DNAH8: variants seen among roughly 807,000 people sequenced by gnomAD.
The protein encoded by DNAH8 is dynein axonemal heavy chain 8, also known as axonemal beta dynein heavy chain 8.
DNAH8 carries 382 observed loss-of-function variants against 562.1 expected under a neutral mutation model. The observed-to-expected ratio is 0.68, with a 90% CI of 0.63 to 0.74. The LOEUF is 0.74. Among genes scored for constraint, DNAH8 ranks in the 30% least tolerant of loss-of-function variants. The pLI is 0.00. For missense variants in DNAH8, 5,203 were observed against 5,620.4 expected (o/e 0.93, Z 2.37); for synonymous variants, 1,881 against 1,919.4 (o/e 0.98, Z 0.52).
At chr6:39,028,589 G>A (rs1194206372) in intron 92 of DNAH8, among the ~76,000 whole-genome samples, 1 of 152,168 alleles carries the variant, frequency 6.6e-6, no homozygotes, top group Non-Finnish European at 1.5e-5. Flanking sequence ...AACAATGTGT[G>A]CAAAGTCCCT....
intron 36 of DNAH8, among the ~76,000 whole-genome samples, chr6:38,846,807 A>G (rs938330012): frequency 5.9e-5 from 9 of 152,346 alleles, no homozygotes; most frequent in Non-Finnish European, 1.3e-4. Context: ...CAAGAAATTC[A>G]GGATTTGAAG....
At chr6:38,799,317 A>G (rs2127669795) in intron 21 of DNAH8, among the ~76,000 whole-genome samples, 1 of 150,108 alleles carries the variant, frequency 6.7e-6, no homozygotes, top group Middle Eastern at 3.4e-3. Context: ...TGTTGATTCC[A>G]TGCCTACCTG....
chr6:38,982,208 A>G, intron 85 of DNAH8, 138 bp from the exon 86 acceptor site: 1 of 616,632 alleles, frequency 1.6e-6, no homozygotes. Flanking sequence ...ATGAATGTAT[A>G]TCCAAAATTG....
intron 49 of DNAH8, 101 bp from the exon 50 acceptor site, chr6:38,872,434 TA>T (rs1224209855): frequency 1.5e-6 from 2 of 1,303,220 alleles, no homozygotes; most frequent in Non-Finnish European, 2.1e-6. Context: ...CTAGTTACGT[TA>T]ATGAAGAGCT....
At position 38,754,460 on chromosome 6, in the gene DNAH8, A is replaced by G. The variant is rs190114810; in HGVS notation, c.1408-1512A>G. Among the ~76,000 whole-genome samples, 13 of 152,326 alleles carry G rather than the reference A, an allele frequency of 8.5e-5. No individual in the cohort carries two copies. The East Asian group carries it at 2.5e-3, about 29-fold the overall frequency. On this transcript the variant is annotated intron_variant, in intron 9 of 92. Coordinates refer to ENST00000327475, the MANE Select transcript of DNAH8 (RefSeq NM_001206927.2). ...TGGTGTTAATTTCCATAAGCCACAT[A>G]AAACTGATTTAATTATTCCATAGTT...
At chr6:38,937,504 G>C (rs1469965458) in intron 77 of DNAH8, among the ~76,000 whole-genome samples, 1 of 152,196 alleles carries the variant, frequency 6.6e-6, no homozygotes, top group East Asian at 1.9e-4. Context: ...AGCAGTGTGA[G>C]GAGTGTACCA....
intron 91 of DNAH8, among the ~76,000 whole-genome samples, chr6:39,025,392 A>T (rs570626080): frequency 6.6e-6 from 1 of 152,174 alleles, no homozygotes; most frequent in Admixed American, 6.5e-5. Flanking sequence ...TGGCCTCTTC[A>T]TCTTTGTGGT....
At chr6:38,748,043 C>T (rs974501529) in intron 8 of DNAH8, among the ~76,000 whole-genome samples, 3 of 152,252 alleles carry the variant, frequency 2.0e-5, no homozygotes, top group East Asian at 1.9e-4. Context: ...ATCCCAGAAT[C>T]GACATTTGGA....
intron 80 of DNAH8, among the ~76,000 whole-genome samples, chr6:38,948,091 G>A (rs1225211527): frequency 1.3e-5 from 2 of 152,010 alleles, no homozygotes; most frequent in African/African-American, 4.8e-5. Flanking sequence ...CAAAGTGGGA[G>A]CAACTGAGTT....
At chr6:38,943,421 A>C (rs2095295337) in intron 79 of DNAH8, among the ~76,000 whole-genome samples, 1 of 152,210 alleles carries the variant, frequency 6.6e-6, no homozygotes, top group Non-Finnish European at 1.5e-5. Context: ...CTCAATACTT[A>C]AGGGGGAGAG....
chr6:38,762,078 C>A (rs915169874), intron 11 of DNAH8, among the ~76,000 whole-genome samples: 2 of 152,252 alleles, frequency 1.3e-5, no homozygotes, highest in Admixed American at 6.5e-5. Flanking sequence ...CAGCCTGTTA[C>A]AATTAAAATT....
intron 33 of DNAH8, among the ~76,000 whole-genome samples, chr6:38,839,731 C>T (rs1048734545): frequency 1.3e-5 from 2 of 151,732 alleles, no homozygotes; most frequent in African/African-American, 4.8e-5. Flanking sequence ...GACATGATCT[C>T]GGCTCACAGC....
At chr6:38,733,781 C>T (rs1195951758) in intron 4 of DNAH8, among the ~76,000 whole-genome samples, 12 of 151,712 alleles carry the variant, frequency 7.9e-5, no homozygotes, top group African/African-American at 2.4e-4. Context: ...CATGATGGCG[C>T]GTGCTTGTAA....
chr6:38,926,072 AC>A lies in DNAH8; in HGVS notation c.10981del (p.Gln3661ArgfsTer16), dbSNP rs1561871474. ...DPPTIGEWGL[Q>X]GLPGDDLSIQ... Reference sequence around the variant, plus strand: ...TTGTTCAGATTGGTGAGTGGGGGCTACAGGGATTACCAGGAGATGATCTCTC... The same window carrying A: ...TTGTTCAGATTGGTGAGTGGGGGCTAAGGGATTACCAGGAGATGATCTCTC... On this transcript the variant is annotated frameshift_variant, in exon 74 of 93. Transcript: ENST00000327475. LOFTEE classifies it high-confidence loss of function. The A allele has an allele frequency of 6.2e-7, 1 of 1,613,686 alleles. No individual in the cohort carries two copies. The highest frequency in any genetic ancestry group is 8.5e-7 in the Non-Finnish European group (1 of 1,179,726).
intron 29 of DNAH8, 43 bp downstream of exon 29, chr6:38,826,434 T>G (rs763890291): frequency 9.9e-6 from 13 of 1,311,556 alleles, no homozygotes; most frequent in Admixed American, 2.0e-5. Flanking sequence ...TGCTTTTTTG[T>G]TTTTTAAAGA....
At chr6:38,732,576 G>A (rs1320016) in intron 4 of DNAH8, among the ~76,000 whole-genome samples, 49,311 of 152,028 alleles carry the variant, frequency 0.32, 8,908 homozygotes, top group East Asian at 0.82. Context: ...ACAAAATTTA[G>A]AACTAGTTGA....
At chr6:38,752,164 C>T (rs1373182291) in intron 9 of DNAH8, among the ~76,000 whole-genome samples, 1 of 151,936 alleles carries the variant, frequency 6.6e-6, no homozygotes, top group Non-Finnish European at 1.5e-5. Flanking sequence ...TTCCTTCCTC[C>T]CCCCACCCCA....
chr6:38,842,728 A>T lies in DNAH8; in HGVS notation c.4670A>T (p.Asp1557Val). ...QAFLDLKKRI[D>V]DFSESCPLLE... The stretch of plus-strand genomic sequence containing the variant: ...TTTTTGGATCTCAAAAAGAGAATTG[A>T]TGATTTCAGTGAGTCATGTCCTCTA... The change falls in exon 35 of 93, where the codon GAT becomes GTT. Residue 1557 changes from aspartate to valine, a missense_variant. By Grantham distance (152) the Asp-to-Val change is radical. Transcript: ENST00000327475. 1 of 1,613,938 alleles carries T rather than the reference A, an allele frequency of 6.2e-7. No homozygotes were observed. Among genetic ancestry groups the T allele is most frequent in the Non-Finnish European group, 8.5e-7 (1 of 1,179,898 alleles).
intron 22 of DNAH8, among the ~76,000 whole-genome samples, chr6:38,804,787 G>GAGAA (rs1220090203): frequency 2.7e-5 from 3 of 110,470 alleles, no homozygotes; most frequent in Non-Finnish European, 6.0e-5. Context: ...GAGAGAGAGA[G>GAGAA]AGAAAGAGAA....
Sources: allele counts gnomAD v4.1 joint callset (sites outside exome capture counted in the v4.1 genomes callset), GRCh38; gene constraint gnomAD v4.1.1; transcripts MANE v1.5; gene names NCBI Gene and HGNC (gene_info 2026-07-23, HGNC 2026-07-21).